The following VWF variants were observed in gnomAD, a reference collection of about 807,000 sequenced individuals.
VWF encodes the protein Factor VIII related antigen.
In VWF, 176 loss-of-function variants were observed where a neutral mutation model predicts 308.6. That is an observed-to-expected ratio of 0.57 (90% confidence interval 0.50 to 0.65). The LOEUF (loss-of-function observed/expected upper bound fraction) is 0.65. VWF is among the 30% of genes least tolerant of loss of function. VWF has a pLI of 0.00. For synonymous variants in VWF, 1,385 were observed against 1,443.4 expected (o/e 0.96, Z 0.92); for missense variants, 3,146 against 3,648.2 (o/e 0.86, Z 3.55).
chr12:6,107,600 A>C (rs1409718234), intron 5 of VWF, among the ~76,000 whole-genome samples: 1 of 152,222 alleles, frequency 6.6e-6, no homozygotes, highest in Non-Finnish European at 1.5e-5. Flanking sequence ...GGCAAAAAGC[A>C]CTGGTAAAAA....
At chr12:5,966,500 C>A (rs1020538330) in intron 47 of VWF, among the ~76,000 whole-genome samples, 1 of 152,164 alleles carries the variant, frequency 6.6e-6, no homozygotes, top group Admixed American at 6.5e-5. Context: ...GAGCATGATA[C>A]CTCTAATTGC....
intron 9 of VWF, 44 bp downstream of exon 9, chr12:6,072,287 C>G (rs760312682): frequency 6.3e-7 from 1 of 1,584,332 alleles, no homozygotes. Context: ...CCTCCCCAGT[C>G]CCCCAGGCAG....
chr12:5,955,954 T>C (rs1943244955), intron 47 of VWF, among the ~76,000 whole-genome samples: 1 of 152,056 alleles, frequency 6.6e-6, no homozygotes, highest in South Asian at 2.1e-4. Flanking sequence ...ATGTAAAAAA[T>C]ATAAATAGGG....
At chr12:6,084,715 G>A (rs138808103) in intron 6 of VWF, among the ~76,000 whole-genome samples, 1 of 152,298 alleles carries the variant, frequency 6.6e-6, no homozygotes, top group African/African-American at 2.4e-5. Context: ...GTGCAATATT[G>A]TTCCACAAGC....
rs1943475215 is a variant in VWF, at chr12:5,971,586, G to C, written c.7548+13C>G. ...AATCTGCCCTCCTCCCCGTCCCGGG[G>C]GCCTGGACCTACACTCTTCCAGGAA... On this transcript the variant is annotated intron_variant, in intron 44 of 51. Coordinates refer to ENST00000261405, the MANE Select transcript of VWF (RefSeq NM_000552.5). 1 of 1,608,130 alleles carries C rather than the reference G, an allele frequency of 6.2e-7. No individual in the cohort carries two copies. Among genetic ancestry groups the C allele is most frequent in the Non-Finnish European group, 8.5e-7 (1 of 1,174,826 alleles).
At chr12:6,099,318 CA>C (rs1177262693) in intron 5 of VWF, among the ~76,000 whole-genome samples, 2,218 of 65,460 alleles carry the variant, frequency 0.034, 34 homozygotes, top group African/African-American at 0.08. Context: ...GACTCTATCT[CA>C]AAAAAAAAAA....
chr12:5,999,917 G>C (rs988928118), intron 34 of VWF, among the ~76,000 whole-genome samples: 3 of 151,674 alleles, frequency 2.0e-5, no homozygotes, highest in African/African-American at 7.3e-5. Context: ...AAGTACCCAA[G>C]GAAGATGACA....
chr12:6,113,384 G>A (rs1353436613), intron 3 of VWF, among the ~76,000 whole-genome samples: 7 of 148,672 alleles, frequency 4.7e-5, no homozygotes, highest in African/African-American at 1.0e-4. Context: ...TGCAAGCTCC[G>A]CCTCCCGGGT....
At chr12:5,991,759 T>A in intron 38 of VWF, 60 bp downstream of exon 38, 1 of 1,569,940 alleles carries the variant, frequency 6.4e-7, no homozygotes, top group Non-Finnish European at 8.7e-7. Flanking sequence ...GGTGAACATA[T>A]CTCCCTTTTG....
chr12:6,030,944 G>A (rs894935594), intron 21 of VWF, among the ~76,000 whole-genome samples: 2 of 152,122 alleles, frequency 1.3e-5, no homozygotes, highest in Non-Finnish European at 2.9e-5. Context: ...CAGGAGAATC[G>A]TTTGAACCCT....
chr12:5,979,637 C>T (rs180801012), intron 42 of VWF, among the ~76,000 whole-genome samples: 77 of 151,994 alleles, frequency 5.1e-4, no homozygotes, highest in African/African-American at 1.8e-3. Flanking sequence ...GCAATCCCAG[C>T]TACTCAGGAG....
intron 35 of VWF, among the ~76,000 whole-genome samples, chr12:5,994,841 A>G (rs1203684584): frequency 1.3e-5 from 2 of 152,212 alleles, no homozygotes; most frequent in Non-Finnish European, 2.9e-5. Flanking sequence ...ACGGGTGGCC[A>G]TGCACCAAGA....
chr12:6,025,440 A>T, intron 24 of VWF, 140 bp downstream of exon 24: 1 of 747,966 alleles, frequency 1.3e-6, no homozygotes, highest in Non-Finnish European at 2.4e-6. Context: ...AAAGCCAAGA[A>T]AAAAAGCCGA....
At chr12:6,090,312 T>C (rs1192671122) in intron 6 of VWF, among the ~76,000 whole-genome samples, 1 of 152,190 alleles carries the variant, frequency 6.6e-6, no homozygotes. Flanking sequence ...GAAATCCATC[T>C]GGGTTCACAA....
intron 34 of VWF, among the ~76,000 whole-genome samples, chr12:6,009,004 A>G (rs556684866): frequency 2.0e-5 from 3 of 152,298 alleles, no homozygotes; most frequent in Admixed American, 6.5e-5. Flanking sequence ...AAAACACAAG[A>G]ACTTTGCAAC....
chr12:6,088,709 A>C (rs1236531599), intron 6 of VWF, among the ~76,000 whole-genome samples: 1 of 152,166 alleles, frequency 6.6e-6, no homozygotes, highest in Non-Finnish European at 1.5e-5. Context: ...TTTCTTTCTC[A>C]AAGGTACACT....
intron 34 of VWF, among the ~76,000 whole-genome samples, chr12:6,002,237 C>T (rs1221440340): frequency 6.6e-6 from 1 of 151,242 alleles, no homozygotes; most frequent in Non-Finnish European, 1.5e-5. Flanking sequence ...AGGATAAAAG[C>T]AGAAATCCAT....
At chr12:6,097,262 C>T (rs910575278) in intron 5 of VWF, among the ~76,000 whole-genome samples, 4 of 152,046 alleles carry the variant, frequency 2.6e-5, no homozygotes, top group Non-Finnish European at 5.9e-5. Flanking sequence ...TGGTGAAACC[C>T]CGTCTCTACT....
intron 6 of VWF, among the ~76,000 whole-genome samples, chr12:6,086,906 T>C (rs1272485607): frequency 6.6e-6 from 1 of 152,166 alleles, no homozygotes; most frequent in Non-Finnish European, 1.5e-5. Context: ...CATGACTGTT[T>C]AAAATGTTAG....
Sources: allele counts gnomAD v4.1 joint callset (sites outside exome capture counted in the v4.1 genomes callset), GRCh38; gene constraint gnomAD v4.1.1; transcripts MANE v1.5; gene names NCBI Gene and HGNC (gene_info 2026-07-23, HGNC 2026-07-21).